Variants in NRG1 observed in about 807,000 individuals in gnomAD.
The protein encoded by NRG1 is neuregulin 1, also known as pro-neuregulin-1, membrane-bound isoform.
Under a neutral mutation model 63.8 loss-of-function variants are expected in NRG1, and 18 were observed. The ratio of observed to expected loss-of-function variants is 0.28; its 90% CI spans 0.19 to 0.42. NRG1 has a LOEUF of 0.42. Among genes scored for constraint, NRG1 ranks in the 10% least tolerant of loss-of-function variants. NRG1 has a pLI of 1.00. For synonymous variants in NRG1, 302 were observed against 301.3 expected, an observed-to-expected ratio of 1.00 and a Z score of -0.02; for missense variants, 762 against 814.7, an observed-to-expected ratio of 0.94 and a Z score of 0.79.
intron 1 of NRG1, among the ~76,000 whole-genome samples, chr8:31,895,077 G>A (rs1831470866): frequency 6.6e-6 from 1 of 152,164 alleles, no homozygotes; most frequent in Non-Finnish European, 1.5e-5. Flanking sequence ...GCACTGCCTG[G>A]ATTTGGCATC....
intron 1 of NRG1, among the ~76,000 whole-genome samples, chr8:31,746,237 G>A (rs1233499974): frequency 6.6e-6 from 1 of 151,954 alleles, no homozygotes; most frequent in Non-Finnish European, 1.5e-5. Flanking sequence ...AGCTTTTGTG[G>A]AAAAACACTA....
intron 1 of NRG1, among the ~76,000 whole-genome samples, chr8:32,368,949 T>A (rs1482995853): frequency 6.6e-6 from 1 of 152,236 alleles, no homozygotes. Context: ...TCTATACACC[T>A]GTAACATGCA....
intron 1 of NRG1, among the ~76,000 whole-genome samples, chr8:31,785,933 A>G (rs1820128783): frequency 6.6e-6 from 1 of 152,196 alleles, no homozygotes; most frequent in Non-Finnish European, 1.5e-5. Flanking sequence ...CTTTAGAACT[A>G]GGTATGGAGC....
intron 1 of NRG1, among the ~76,000 whole-genome samples, chr8:31,978,924 G>A (rs2129630321): frequency 6.6e-6 from 1 of 152,186 alleles, no homozygotes; most frequent in Middle Eastern, 3.4e-3. Flanking sequence ...GAAAGCAATG[G>A]GTTGTCCTTT....
At chr8:31,731,579 A>C (rs930519559) in intron 1 of NRG1, among the ~76,000 whole-genome samples, 1 of 152,124 alleles carries the variant, frequency 6.6e-6, no homozygotes, top group Non-Finnish European at 1.5e-5. Flanking sequence ...TACATTTTTC[A>C]ATAGTTTTGA....
chr8:31,736,574 A>T (rs2131377933), intron 1 of NRG1, among the ~76,000 whole-genome samples: 1 of 152,292 alleles, frequency 6.6e-6, no homozygotes, highest in African/African-American at 2.4e-5. Context: ...CCAAGAAAAA[A>T]AAACTTAGTT....
chr8:32,239,453 A>C (rs1436911986), intron 1 of NRG1, among the ~76,000 whole-genome samples: 1 of 151,974 alleles, frequency 6.6e-6, no homozygotes, highest in Non-Finnish European at 1.5e-5. Context: ...ATGAGGACCT[A>C]AAGCTAGGTG....
chr8:32,225,092 G>C (rs1216990024), intron 1 of NRG1, among the ~76,000 whole-genome samples: 1 of 152,144 alleles, frequency 6.6e-6, no homozygotes, highest in Non-Finnish European at 1.5e-5. Context: ...TTAAAATTGA[G>C]TCTTGCCTTG....
Position 31,836,517 on chromosome 8 carries a change from ATTG to A in NRG1, c.37+197089_37+197091del, listed in dbSNP as rs374176527. ...ATATATTAAGTATTTAAAACTGTGT[ATTG>A]TTCTCTCATCTTTTTAAACAACTGG... On this transcript the variant is annotated intron_variant, in intron 1 of 10. Transcript: ENST00000519301. Among the ~76,000 whole-genome samples, 346 of 152,194 alleles carry A rather than the reference ATTG, an allele frequency of 2.3e-3. 1 individual carries two copies. The highest frequency in any genetic ancestry group is 0.01 in the Middle Eastern group (3 of 294).
chr8:32,033,730 T>C (rs1302437896), intron 1 of NRG1, among the ~76,000 whole-genome samples: 1 of 152,140 alleles, frequency 6.6e-6, no homozygotes, highest in Non-Finnish European at 1.5e-5. Context: ...GGAGTTCATA[T>C]TCATTATTTG....
chr8:32,720,983 A>G (rs1457987683), intron 5 of NRG1, among the ~76,000 whole-genome samples: 1 of 152,132 alleles, frequency 6.6e-6, no homozygotes, highest in African/African-American at 2.4e-5. Context: ...AAAAATTATA[A>G]TTTTGTTTTA....
chr8:31,947,969 A>G (rs1042564191), intron 1 of NRG1, among the ~76,000 whole-genome samples: 1 of 150,390 alleles, frequency 6.6e-6, no homozygotes, highest in Non-Finnish European at 1.5e-5. Flanking sequence ...AAAAAAAAAA[A>G]AAACTACTAC....
At chr8:31,958,444 C>T (rs561156868) in intron 1 of NRG1, among the ~76,000 whole-genome samples, 44 of 152,232 alleles carry the variant, frequency 2.9e-4, no homozygotes, top group African/African-American at 1.0e-3. Context: ...CATTGTGTGG[C>T]TCTGTTGGCA....
chr8:32,618,938 C>T (rs1237421347), intron 5 of NRG1, among the ~76,000 whole-genome samples: 1 of 152,130 alleles, frequency 6.6e-6, no homozygotes, highest in Non-Finnish European at 1.5e-5. Flanking sequence ...ACTGGCTGGG[C>T]ATGGTCGCTC....
intron 1 of NRG1, among the ~76,000 whole-genome samples, chr8:32,475,983 A>G (rs1475112318): frequency 6.6e-6 from 1 of 152,172 alleles, no homozygotes; most frequent in Non-Finnish European, 1.5e-5. Flanking sequence ...AAGAAATGAG[A>G]TCAAATATGC....
Position 31,838,619 on chromosome 8 carries a change from G to A in NRG1, c.37+199188G>A, listed in dbSNP as rs189221549. 7.9e-5 allele frequency among the ~76,000 whole-genome samples: 12 copies of A among 152,242 alleles called. No individual in the cohort carries two copies. The East Asian group carries it at 2.3e-3, about 29-fold the overall frequency. ...GCATTCTTTTATGTTTTCTGTCAGT[G>A]TTTAATGGTTTTCCTCCAATAACTT... is the stretch of plus-strand genomic sequence containing the variant. On this transcript the variant is annotated intron_variant, in intron 1 of 10. Coordinates refer to the NRG1 transcript ENST00000519301.
At chr8:31,678,520 T>C (rs1031543918) in intron 1 of NRG1, among the ~76,000 whole-genome samples, 2 of 151,996 alleles carry the variant, frequency 1.3e-5, no homozygotes, top group Non-Finnish European at 2.9e-5. Flanking sequence ...CCTCTTTACC[T>C]ATTTGTTTCT....
At chr8:32,430,500 A>G (rs1817987808) in intron 1 of NRG1, among the ~76,000 whole-genome samples, 1 of 152,158 alleles carries the variant, frequency 6.6e-6, no homozygotes, top group Non-Finnish European at 1.5e-5. Flanking sequence ...GGGCGTGTGG[A>G]GAGTCTGATA....
intron 6 of NRG1, among the ~76,000 whole-genome samples, chr8:32,730,502 T>C (rs1823370699): frequency 6.6e-6 from 1 of 152,104 alleles, no homozygotes; most frequent in Non-Finnish European, 1.5e-5. Context: ...GTAGAAAAGA[T>C]CATTCCTTTT....
Sources: gnomAD v4.1 joint callset for allele counts (sites outside exome capture counted in the v4.1 genomes callset) on GRCh38, gnomAD v4.1.1 for gene constraint, MANE v1.5 for transcripts, NCBI Gene and HGNC (gene_info 2026-07-23, HGNC 2026-07-21) for gene names.